The following PHACTR3 variants were observed in gnomAD, a reference collection of about 807,000 sequenced individuals.
PHACTR3 encodes protein phosphatase 1, regulatory subunit 123.
Under a neutral mutation model 66.8 loss-of-function variants are expected in PHACTR3, and 16 were observed. That is an observed-to-expected ratio of 0.24 (90% CI 0.16 to 0.36). The LOEUF is 0.36. Ranked by LOEUF, PHACTR3 falls within the 10% of genes least tolerant of loss-of-function variation. PHACTR3 has a pLI of 1.00. For missense variants in PHACTR3, 647 were observed against 719.9 expected (o/e 0.90, Z 1.16); for synonymous variants, 323 against 292.1 (o/e 1.11, Z -1.08).
chr20:59,760,438 G>A (rs555291229), intron 4 of PHACTR3, among the ~76,000 whole-genome samples: 1 of 152,254 alleles, frequency 6.6e-6, no homozygotes, highest in Non-Finnish European at 1.5e-5. Context: ...GACCTGGTGG[G>A]AGATCATTGA....
At chr20:59,673,964 C>T (rs1211893487) in intron 1 of PHACTR3, among the ~76,000 whole-genome samples, 2 of 152,170 alleles carry the variant, frequency 1.3e-5, no homozygotes, top group East Asian at 3.9e-4. Context: ...GGCAGAGCAG[C>T]CCCGAAGCTT....
At chr20:59,771,209 G>T (rs1172897195) in intron 5 of PHACTR3, among the ~76,000 whole-genome samples, 1 of 152,194 alleles carries the variant, frequency 6.6e-6, no homozygotes, top group Non-Finnish European at 1.5e-5. Context: ...GTACAAGAGG[G>T]CTAGTGATTC....
At chr20:59,790,592 G>A (rs933803977) in intron 7 of PHACTR3, among the ~76,000 whole-genome samples, 1 of 152,196 alleles carries the variant, frequency 6.6e-6, no homozygotes, top group Non-Finnish European at 1.5e-5. Context: ...TTCACACTGT[G>A]GGGTTATTAA....
intron 1 of PHACTR3, among the ~76,000 whole-genome samples, chr20:59,578,107 T>A (rs927168): frequency 0.51 from 77,036 of 152,162 alleles, 23,029 homozygotes; most frequent in African/African-American, 0.8. Flanking sequence ...CACGTGGGAC[T>A]GGCCCCTCGC....
At chr20:59,682,258 C>G (rs931500643) in intron 1 of PHACTR3, among the ~76,000 whole-genome samples, 2 of 151,956 alleles carry the variant, frequency 1.3e-5, no homozygotes, top group African/African-American at 2.4e-5. Flanking sequence ...GAGAATCGCT[C>G]CAACCCAGGA....
intron 1 of PHACTR3, among the ~76,000 whole-genome samples, chr20:59,612,848 A>G (rs1043015195): frequency 6.6e-6 from 1 of 152,216 alleles, no homozygotes; most frequent in Non-Finnish European, 1.5e-5. Context: ...GCGTGGTGCC[A>G]GCATCTGCTC....
chr20:59,700,288 G>A (rs2037453289), intron 1 of PHACTR3, among the ~76,000 whole-genome samples: 2 of 152,306 alleles, frequency 1.3e-5, no homozygotes, highest in South Asian at 2.1e-4. Context: ...GGTTGACACT[G>A]GGGTTGTTTC....
intron 1 of PHACTR3, among the ~76,000 whole-genome samples, chr20:59,647,471 G>A (rs2035319087): frequency 6.6e-6 from 1 of 152,146 alleles, no homozygotes; most frequent in Non-Finnish European, 1.5e-5. Flanking sequence ...GTTGGGGAGG[G>A]TGGTGCAGGG....
chr20:59,587,368 C>T (rs748391476), intron 1 of PHACTR3, among the ~76,000 whole-genome samples: 6 of 152,226 alleles, frequency 3.9e-5, no homozygotes, highest in Non-Finnish European at 8.8e-5. Flanking sequence ...AGCTCTGCCC[C>T]GAGTCCCAGT....
chr20:59,813,066 G>A (rs1345806169), intron 8 of PHACTR3, among the ~76,000 whole-genome samples: 6 of 152,336 alleles, frequency 3.9e-5, no homozygotes, highest in South Asian at 2.1e-4. Flanking sequence ...GCCAGTTTCC[G>A]GTGAATGTTT....
intron 1 of PHACTR3, among the ~76,000 whole-genome samples, chr20:59,714,743 A>G (rs1488867164): frequency 6.6e-6 from 1 of 152,256 alleles, no homozygotes; most frequent in Non-Finnish European, 1.5e-5. Flanking sequence ...GATTGGAATT[A>G]CATTGAACTT....
chr20:59,663,003 G>A lies in PHACTR3; in HGVS notation c.118+57871G>A, dbSNP rs904221851. 2.6e-5 allele frequency among the ~76,000 whole-genome samples: 4 copies of A among 152,226 alleles called. No homozygotes were observed. The East Asian group carries it at 5.8e-4, about 22-fold the overall frequency. Reference sequence around the variant, plus strand: ...AGGTCTGAAGTCAAGGCATCAGTAGGGCTGAAACCTGCCCTTGAAAGTTTC... The same window carrying A: ...AGGTCTGAAGTCAAGGCATCAGTAGAGCTGAAACCTGCCCTTGAAAGTTTC... On this transcript the variant is annotated intron_variant, in intron 1 of 12. Coordinates refer to ENST00000371015, the MANE Select transcript of PHACTR3 (RefSeq NM_080672.5).
At chr20:59,691,545 AATT>A (rs1434216161) in intron 1 of PHACTR3, among the ~76,000 whole-genome samples, 2 of 152,136 alleles carry the variant, frequency 1.3e-5, no homozygotes, top group African/African-American at 2.4e-5. Flanking sequence ...ACATTGTTTT[AATT>A]ATTATCACTA....
chr20:59,750,506 G>A (rs866259665), intron 3 of PHACTR3, among the ~76,000 whole-genome samples: 4 of 152,322 alleles, frequency 2.6e-5, no homozygotes, highest in Admixed American at 2.0e-4. Context: ...AGTCCCCGCG[G>A]TGGAAGGGAC....
At chr20:59,717,392 A>T (rs62203949) in intron 1 of PHACTR3, among the ~76,000 whole-genome samples, 1 of 152,312 alleles carries the variant, frequency 6.6e-6, no homozygotes, top group African/African-American at 2.4e-5. Flanking sequence ...ATACACACCT[A>T]ATTGGGATAC....
At chr20:59,661,688 T>C (rs2035809966) in intron 1 of PHACTR3, among the ~76,000 whole-genome samples, 1 of 151,854 alleles carries the variant, frequency 6.6e-6, no homozygotes, top group African/African-American at 2.4e-5. Context: ...TGGCCAGAGA[T>C]GCCAATACAT....
chr20:59,712,438 C>T (rs2037942922), intron 1 of PHACTR3, among the ~76,000 whole-genome samples: 1 of 152,136 alleles, frequency 6.6e-6, no homozygotes, highest in African/African-American at 2.4e-5. Flanking sequence ...AGATGCATTT[C>T]CAGGTCTGTT....
At chr20:59,840,122 A>G (rs1314967990) in intron 9 of PHACTR3, among the ~76,000 whole-genome samples, 1 of 152,214 alleles carries the variant, frequency 6.6e-6, no homozygotes, top group Admixed American at 6.5e-5. Context: ...TCTAATGCAC[A>G]GAAGGGCTGA....
intron 1 of PHACTR3, among the ~76,000 whole-genome samples, chr20:59,710,813 T>G (rs2037886963): frequency 6.6e-6 from 1 of 152,150 alleles, no homozygotes; most frequent in African/African-American, 2.4e-5. Context: ...CCTTCCTTTA[T>G]GGGAATGTTC....
Sources: allele counts gnomAD v4.1 joint callset (sites outside exome capture counted in the v4.1 genomes callset), GRCh38; gene constraint gnomAD v4.1.1; transcripts MANE v1.5; gene names NCBI Gene and HGNC (gene_info 2026-07-23, HGNC 2026-07-21).